DLG2: variants seen among roughly 807,000 people sequenced by gnomAD.
DLG2 encodes the protein disks large homolog 2.
In DLG2, 45 loss-of-function variants were observed where a neutral mutation model predicts 132.5. The observed-to-expected ratio is 0.34, with a 90% CI of 0.27 to 0.44. The LOEUF is 0.44. Ranked by LOEUF, DLG2 falls within the 20% of genes least tolerant of loss-of-function variation. The probability of loss-of-function intolerance (pLI) is 1.00; values close to 1 mark genes in which losing one functional copy is unlikely to be tolerated. For missense variants in DLG2, 1,045 were observed against 1,196.9 expected, an observed-to-expected ratio of 0.87 and a Z score of 1.87; for synonymous variants, 424 against 419.6, an observed-to-expected ratio of 1.01 and a Z score of -0.13.
At chr11:84,170,748 A>C (rs1193547721) in intron 8 of DLG2, among the ~76,000 whole-genome samples, 1 of 152,180 alleles carries the variant, frequency 6.6e-6, no homozygotes, top group African/African-American at 2.4e-5. Context: ...GTGATTTAAC[A>C]TGCTAGGTAA....
At chr11:85,097,457 T>C (rs1472029382) in intron 6 of DLG2, among the ~76,000 whole-genome samples, 7 of 152,004 alleles carry the variant, frequency 4.6e-5, no homozygotes, top group African/African-American at 1.2e-4. Context: ...TAAATATATA[T>C]TGAATTAATA....
chr11:84,874,815 A>G (rs10736766), intron 6 of DLG2, among the ~76,000 whole-genome samples: 151,896 of 152,144 alleles, frequency 1, 75,831 homozygotes, highest in Middle Eastern at 1. Flanking sequence ...GAGGTCAGGC[A>G]TTCAAGACCA....
At chr11:84,900,501 A>G (rs1246909654) in intron 6 of DLG2, among the ~76,000 whole-genome samples, 1 of 152,074 alleles carries the variant, frequency 6.6e-6, no homozygotes, top group East Asian at 1.9e-4. Flanking sequence ...TAAAAGGGAT[A>G]TATCCTTCAG....
intron 6 of DLG2, among the ~76,000 whole-genome samples, chr11:84,791,304 C>T (rs1229405509): frequency 6.6e-6 from 1 of 152,154 alleles, no homozygotes; most frequent in South Asian, 2.1e-4. Flanking sequence ...TCAGTCTATG[C>T]ATCTGCTTTT....
intron 7 of DLG2, among the ~76,000 whole-genome samples, chr11:84,410,416 G>T (rs1214429514): frequency 1.3e-5 from 2 of 151,988 alleles, no homozygotes; most frequent in African/African-American, 4.8e-5. Flanking sequence ...GACCAATAGA[G>T]GGGCTTGTAT....
intron 3 of DLG2, among the ~76,000 whole-genome samples, chr11:85,354,726 G>GTT (rs1261924264): frequency 6.6e-6 from 1 of 151,098 alleles, no homozygotes; most frequent in Non-Finnish European, 1.5e-5. Flanking sequence ...CAACGTCACT[G>GTT]TTTCTCTCTC....
intron 6 of DLG2, among the ~76,000 whole-genome samples, chr11:84,701,071 A>T (rs1047375144): frequency 6.6e-5 from 10 of 151,648 alleles, no homozygotes; most frequent in Non-Finnish European, 1.2e-4. Context: ...GTCTAGGAAT[A>T]GCCACTCCAA....
chr11:84,564,700 T>C (rs549045542), intron 6 of DLG2, among the ~76,000 whole-genome samples: 24 of 152,242 alleles, frequency 1.6e-4, no homozygotes, highest in African/African-American at 5.5e-4. Flanking sequence ...AACTGTAAAA[T>C]GGTTTGGGTT....
At chr11:85,348,952 A>C (rs889758519) in intron 3 of DLG2, among the ~76,000 whole-genome samples, 1 of 152,174 alleles carries the variant, frequency 6.6e-6, no homozygotes, top group Non-Finnish European at 1.5e-5. Context: ...AAAATCATTG[A>C]GTTGCTCATG....
intron 6 of DLG2, among the ~76,000 whole-genome samples, chr11:84,925,116 GT>G (rs778545892): frequency 1.3e-5 from 2 of 152,044 alleles, no homozygotes; most frequent in African/African-American, 2.4e-5. Context: ...CTGTGAATAA[GT>G]ACCATTTTTT....
intron 11 of DLG2, among the ~76,000 whole-genome samples, chr11:83,982,535 T>C (rs1380725133): frequency 8.1e-6 from 1 of 124,074 alleles, no homozygotes; most frequent in Admixed American, 7.8e-5. Flanking sequence ...AAAAAGAAAA[T>C]ACTTTGTATA....
At chr11:84,761,908 G>T (rs1294973254) in intron 6 of DLG2, among the ~76,000 whole-genome samples, 1 of 152,168 alleles carries the variant, frequency 6.6e-6, no homozygotes, top group East Asian at 1.9e-4. Flanking sequence ...AAATAATACA[G>T]ATGGTCACTT....
chr11:83,612,135 A>G (rs78080483), intron 19 of DLG2, among the ~76,000 whole-genome samples: 2,120 of 152,224 alleles, frequency 0.014, 55 homozygotes, highest in African/African-American at 0.048. Flanking sequence ...TAATTCTTCC[A>G]TCCATTATCT....
chr11:84,168,008 A>G (rs578212540), intron 8 of DLG2, among the ~76,000 whole-genome samples: 117 of 152,344 alleles, frequency 7.7e-4, no homozygotes, highest in African/African-American at 2.7e-3. Flanking sequence ...CACATATTAT[A>G]AAAGTGCTGA....
At chr11:84,037,550 G>C (rs942956393) in intron 11 of DLG2, among the ~76,000 whole-genome samples, 1 of 152,028 alleles carries the variant, frequency 6.6e-6, no homozygotes, top group Non-Finnish European at 1.5e-5. Context: ...AGACAGTTCT[G>C]ATTAAAGGAT....
intron 6 of DLG2, among the ~76,000 whole-genome samples, chr11:84,979,598 C>G (rs961718150): frequency 6.6e-6 from 1 of 151,238 alleles, no homozygotes; most frequent in African/African-American, 2.4e-5. Flanking sequence ...TAGGTGGGAA[C>G]TGAACAATGA....
At chr11:83,874,242 A>G (rs2064124352) in intron 16 of DLG2, among the ~76,000 whole-genome samples, 178 bp downstream of exon 16, 1 of 29,478 alleles carries the variant, frequency 3.4e-5, no homozygotes, top group South Asian at 2.1e-3. Flanking sequence ...AGACAAAGAA[A>G]GAAGGGAAGG....
intron 18 of DLG2, among the ~76,000 whole-genome samples, chr11:83,759,664 G>A (rs2093814456): frequency 6.6e-6 from 1 of 152,030 alleles, no homozygotes; most frequent in Non-Finnish European, 1.5e-5. Flanking sequence ...AGAGGTTCCT[G>A]TTGACACAAA....
chr11:85,258,910 T>C (rs2076799638), intron 4 of DLG2, among the ~76,000 whole-genome samples: 1 of 152,238 alleles, frequency 6.6e-6, no homozygotes. Context: ...CTACATTTAA[T>C]CTCATTTAAT....
Sources: gnomAD v4.1 joint callset for allele counts (sites outside exome capture counted in the v4.1 genomes callset) on GRCh38, gnomAD v4.1.1 for gene constraint, MANE v1.5 for transcripts, NCBI Gene and HGNC (gene_info 2026-07-23, HGNC 2026-07-21) for gene names.